The following BCAR3 variants were observed in gnomAD, a reference collection of about 807,000 sequenced individuals.
BCAR3 encodes the protein BCAR3 adaptor protein, NSP family member.
Under a neutral mutation model 80.1 loss-of-function variants are expected in BCAR3, and 37 were observed. That is an observed-to-expected ratio of 0.46 (90% CI 0.36 to 0.61). The LOEUF (loss-of-function observed/expected upper bound fraction) is 0.61. BCAR3 is among the 20% of genes least tolerant of loss of function. BCAR3 has a pLI of 0.00. For missense variants in BCAR3, 978 were observed against 1,068.2 expected, an observed-to-expected ratio of 0.92 and a Z score of 1.18; for synonymous variants, 389 against 418.9, an observed-to-expected ratio of 0.93 and a Z score of 0.87.
chr1:93,828,823 G>T (rs1174753302), intron 2 of BCAR3, among the ~76,000 whole-genome samples: 1 of 152,116 alleles, frequency 6.6e-6, no homozygotes, highest in Non-Finnish European at 1.5e-5. Context: ...CTCCCAAGTA[G>T]CTAGGACTAC....
At chr1:93,703,015 C>A (rs754602010) in intron 3 of BCAR3, among the ~76,000 whole-genome samples, 3 of 152,186 alleles carry the variant, frequency 2.0e-5, no homozygotes, top group African/African-American at 2.4e-5. Context: ...CCAAGGCTGG[C>A]CACCGCGGCC....
intron 2 of BCAR3, among the ~76,000 whole-genome samples, chr1:93,824,031 C>T (rs1295198741): frequency 2.2e-5 from 3 of 133,870 alleles, no homozygotes; most frequent in African/African-American, 5.0e-5. Context: ...GTCTGTCACC[C>T]CTCACTAGAA....
intron 7 of BCAR3, among the ~76,000 whole-genome samples, chr1:93,580,331 T>C (rs1673647425): frequency 6.6e-6 from 1 of 152,100 alleles, no homozygotes; most frequent in African/African-American, 2.4e-5. Context: ...GCTAATTGAC[T>C]TCACTGAGCT....
chr1:93,564,497 T>C (rs979323225), intron 11 of BCAR3, among the ~76,000 whole-genome samples: 5 of 151,636 alleles, frequency 3.3e-5, no homozygotes, highest in African/African-American at 1.2e-4. Context: ...AGGCTGGTCT[T>C]GAACTCCCGA....
chr1:93,750,952 A>G (rs1344066506), intron 2 of BCAR3, among the ~76,000 whole-genome samples: 3 of 152,196 alleles, frequency 2.0e-5, no homozygotes, highest in African/African-American at 7.2e-5. Context: ...GATAAAAAAT[A>G]GTTGGGGTTT....
intron 2 of BCAR3, among the ~76,000 whole-genome samples, chr1:93,706,786 C>G (rs1649839964): frequency 6.6e-6 from 1 of 152,110 alleles, no homozygotes; most frequent in Non-Finnish European, 1.5e-5. Context: ...TTATATAAAT[C>G]TACATAATTC....
At chr1:93,745,320 T>G (rs1373292346) in intron 2 of BCAR3, among the ~76,000 whole-genome samples, 1 of 152,236 alleles carries the variant, frequency 6.6e-6, no homozygotes, top group Admixed American at 6.5e-5. Flanking sequence ...TGAAGACCGA[T>G]GAGTTCACCC....
intron 2 of BCAR3, among the ~76,000 whole-genome samples, chr1:93,732,897 C>A (rs918398637): frequency 3.9e-5 from 6 of 152,228 alleles, no homozygotes; most frequent in African/African-American, 9.6e-5. Context: ...TCCTCCTACA[C>A]CTGCAGCAAT....
chr1:93,770,501 AT>A (rs1011365122), intron 2 of BCAR3, among the ~76,000 whole-genome samples: 6 of 152,006 alleles, frequency 3.9e-5, no homozygotes, highest in African/African-American at 1.2e-4. Flanking sequence ...AGAGGCAAAC[AT>A]TTTTTTGTTG....
intron 2 of BCAR3, 93 bp from the exon 3 acceptor site, chr1:93,642,436 T>A: frequency 8.0e-7 from 1 of 1,253,028 alleles, no homozygotes; most frequent in Non-Finnish European, 1.2e-6. Flanking sequence ...CCCTATTCAC[T>A]AAGTTACTAA....
intron 8 of BCAR3, among the ~76,000 whole-genome samples, chr1:93,573,448 TAGC>T (rs1673305299): frequency 1.3e-5 from 2 of 151,890 alleles, no homozygotes; most frequent in African/African-American, 2.4e-5. Context: ...ACCTAATAAA[TAGC>T]AGTTGTTACT....
intron 2 of BCAR3, among the ~76,000 whole-genome samples, chr1:93,655,221 G>C (rs1045154770): frequency 9.9e-5 from 15 of 152,184 alleles, no homozygotes; most frequent in African/African-American, 3.1e-4. Flanking sequence ...TTTATTGAAG[G>C]ATCTTAAGCT....
chr1:93,589,016 T>C lies in BCAR3; in HGVS notation c.890A>G (p.Gln297Arg), dbSNP rs1570938913. 1.9e-6 allele frequency: 3 copies of C among 1,598,898 alleles called. No homozygotes were observed. Among genetic ancestry groups the C allele is most frequent in the Non-Finnish European group, 2.6e-6 (3 of 1,169,580 alleles). The change falls in exon 5 of 12, where the codon CAG becomes CGG. Residue 297 changes from glutamine to arginine, a missense_variant. Gln to Arg is a conservative substitution (Grantham distance 43, BLOSUM62 1). Transcript: ENST00000260502. ...CCTGGGCAAATTCTGCTCTCGGGCC[T>C]GGACGCCACCCATGGTGAGGCTCAG... Reference protein sequence around the residue: ...KRLSLTMGGVQAREQNLPRGN... With the variant: ...KRLSLTMGGVRAREQNLPRGN...
intron 2 of BCAR3, among the ~76,000 whole-genome samples, chr1:93,751,891 T>A (rs1186482958): frequency 6.6e-6 from 1 of 152,268 alleles, no homozygotes; most frequent in Middle Eastern, 3.2e-3. Context: ...GCTTTGGCTC[T>A]GGTATCTGTG....
chr1:93,589,159 G>T lies in BCAR3; in HGVS notation c.747C>A (p.Ile249=). The T allele has an allele frequency of 6.2e-7, 1 of 1,613,796 alleles. No individual in the cohort carries two copies. Among genetic ancestry groups the T allele is most frequent in the Non-Finnish European group, 8.5e-7 (1 of 1,179,938 alleles). Residue 249 remains isoleucine, a synonymous_variant, in exon 5 of 12, where the codon ATC becomes ATA. Coordinates refer to ENST00000260502, the MANE Select transcript of BCAR3 (RefSeq NM_003567.4). ...GCACCGTCCTGTTGATGGGCTGGAA[G>T]ATGATGGCGCCACTCTGCTGGGAGA... ...RPISQQSGAI[I]FQPINRTVPL... is the part of the protein sequence containing the mutation.
intron 2 of BCAR3, among the ~76,000 whole-genome samples, chr1:93,810,192 CAAAA>C (rs111305058): frequency 2.0e-5 from 2 of 98,860 alleles, no homozygotes; most frequent in African/African-American, 3.5e-5. Context: ...GACTCCATCT[CAAAA>C]AAAAAAAAAA....
intron 2 of BCAR3, among the ~76,000 whole-genome samples, chr1:93,825,158 T>A (rs1654335250): frequency 7.5e-6 from 1 of 133,716 alleles, no homozygotes; most frequent in African/African-American, 2.5e-5. Flanking sequence ...GCACAAAACC[T>A]GACAGTAATA....
intron 2 of BCAR3, among the ~76,000 whole-genome samples, chr1:93,830,183 C>G (rs1270363439): frequency 1.3e-4 from 20 of 152,128 alleles, no homozygotes; most frequent in Admixed American, 1.3e-3. Flanking sequence ...CCCAGTTTGG[C>G]CGGGTGTGGT....
intron 3 of BCAR3, chr1:93,599,147 TGGGATTTTTCTAGATGG>T (rs1674538441): frequency 6.6e-6 from 1 of 152,124 alleles, no homozygotes. Context: ...GAGTTCTTCC[TGGGATTTTTCTAGATGG>T]AACTGAGCGA....
Sources: gnomAD v4.1 joint callset for allele counts (sites outside exome capture counted in the v4.1 genomes callset) on GRCh38, gnomAD v4.1.1 for gene constraint, MANE v1.5 for transcripts, NCBI Gene and HGNC (gene_info 2026-07-23, HGNC 2026-07-21) for gene names.